L2HGDH: variants seen among roughly 807,000 people sequenced by gnomAD.
The protein encoded by L2HGDH is L-2-hydroxyglutarate dehydrogenase, mitochondrial.
Under a neutral mutation model 51.5 loss-of-function variants are expected in L2HGDH, and 34 were observed. The observed-to-expected ratio is 0.66, with a 90% CI of 0.50 to 0.88. The LOEUF is 0.88. L2HGDH is among the 40% of genes least tolerant of loss of function. The probability of loss-of-function intolerance (pLI) is 0.00; values close to 1 mark genes in which losing one functional copy is unlikely to be tolerated. For missense variants in L2HGDH, 558 were observed against 571.9 expected (o/e 0.98, Z 0.25); for synonymous variants, 198 against 197.9 (o/e 1.00, Z -0.01).
chr14:50,277,208 T>G (rs1428840745), intron 6 of L2HGDH, among the ~76,000 whole-genome samples: 2 of 58,470 alleles, frequency 3.4e-5, no homozygotes. Flanking sequence ...TTTTTTTTTG[T>G]TTTTTTTTTT....
intron 6 of L2HGDH, among the ~76,000 whole-genome samples, chr14:50,271,866 C>T (rs1422168132): frequency 6.6e-6 from 1 of 152,142 alleles, no homozygotes; most frequent in Admixed American, 6.6e-5. Flanking sequence ...CCTGGCCAGG[C>T]GCAGTGGCTC....
At chr14:50,277,052 T>C (rs1210143463) in intron 6 of L2HGDH, among the ~76,000 whole-genome samples, 1 of 152,248 alleles carries the variant, frequency 6.6e-6, no homozygotes. Flanking sequence ...TAAAATTGCC[T>C]CTAGTTGAGA....
intron 9 of L2HGDH, among the ~76,000 whole-genome samples, chr14:50,253,672 C>T (rs1044604035): frequency 1.3e-5 from 2 of 152,102 alleles, no homozygotes; most frequent in Admixed American, 6.6e-5. Flanking sequence ...CCAGCAATCC[C>T]ACTGCTGGAT....
At chr14:50,267,134 CTTCTTT>C in intron 8 of L2HGDH, among the ~76,000 whole-genome samples, 1 of 150,304 alleles carries the variant, frequency 6.7e-6, no homozygotes, top group Non-Finnish European at 1.5e-5. Context: ...TTGGCCTTAT[CTTCTTT>C]TTATTTTTAT....
intron 4 of L2HGDH, among the ~76,000 whole-genome samples, chr14:50,287,571 G>A (rs1275452445): frequency 1.3e-5 from 2 of 151,152 alleles, no homozygotes; most frequent in Admixed American, 6.6e-5. Context: ...TTTGAAGGAG[G>A]TTATCAATTC....
intron 4 of L2HGDH, among the ~76,000 whole-genome samples, chr14:50,284,371 C>T (rs1890447017): frequency 6.6e-6 from 1 of 152,334 alleles, no homozygotes; most frequent in South Asian, 2.1e-4. Context: ...CAGAGCATTG[C>T]TTTGACTTGC....
At chr14:50,294,607 T>C (rs1480334972) in intron 3 of L2HGDH, among the ~76,000 whole-genome samples, 2 of 152,184 alleles carry the variant, frequency 1.3e-5, no homozygotes, top group Non-Finnish European at 1.5e-5. Flanking sequence ...TTTACTTTTT[T>C]TCCCCCCCAA....
chr14:50,282,398 T>C lies in L2HGDH; in HGVS notation c.703+1473A>G, dbSNP rs1175141911. On this transcript the variant is annotated intron_variant, in intron 5 of 9. Transcript: ENST00000267436. ...CTGTTGTGCTTCATAGCCAGTCTTT[T>C]TCCTTCATTCTAACCACCAATTTCT... The C allele has an allele frequency of 8.8e-6, 4 of 454,626 alleles. No individual in the cohort carries two copies. In the Admixed American group the frequency reaches 9.4e-5, roughly 11 times the overall value. 28.2% of individuals were successfully genotyped at this position (454,626 alleles called of 1,614,324 possible).
chr14:50,295,483 T>G (rs1448368373), intron 3 of L2HGDH, among the ~76,000 whole-genome samples: 1 of 151,844 alleles, frequency 6.6e-6, no homozygotes, highest in Non-Finnish European at 1.5e-5. Context: ...CATGACTCCC[T>G]GCAGCCTCGA....
Position 50,245,168 on chromosome 14 carries a change from T to C in L2HGDH, c.*1890A>G, listed in dbSNP as rs1887941688. ...TATCAAAAATGGAAAAATATCCCTA[T>C]ACAAGTTTATAGGAGCCCTGAAAAA... On this transcript the variant is annotated 3_prime_UTR_variant, in exon 10 of 10. Transcript: ENST00000267436. 2.0e-6 allele frequency: 2 copies of C among 985,454 alleles called. No individual in the cohort carries two copies. Among genetic ancestry groups the C allele is most frequent in the African/African-American group, 1.7e-5 (1 of 57,238 alleles). The allele number at this position is 985,454 out of a possible 1,614,324, so 61.0% of individuals were successfully genotyped here.
At chr14:50,268,240 G>A (rs1375428067) in intron 7 of L2HGDH, among the ~76,000 whole-genome samples, 3 of 151,946 alleles carry the variant, frequency 2.0e-5, no homozygotes, top group Non-Finnish European at 2.9e-5. Context: ...TTAGCCTGGC[G>A]TGGTGGTGTG....
At chr14:50,276,529 C>A (rs967923391) in intron 6 of L2HGDH, among the ~76,000 whole-genome samples, 2 of 149,870 alleles carry the variant, frequency 1.3e-5, no homozygotes, top group Non-Finnish European at 3.0e-5. Context: ...GGAAACAGGG[C>A]CTTTAGGGAG....
At chr14:50,283,197 C>T (rs1223267515) in intron 5 of L2HGDH, among the ~76,000 whole-genome samples, 1 of 149,928 alleles carries the variant, frequency 6.7e-6, no homozygotes, top group Non-Finnish European at 1.5e-5. Context: ...CAAGACCCTG[C>T]CCCAAGGGGA....
chr14:50,267,826 G>C lies in L2HGDH; in HGVS notation c.991C>G (p.Leu331Val). ...GSIWLGPNAV[L>V]AFKREGYRPF... ...CTGTAACCCTCTCGTTTAAAGGCAAGAACTGCATTAGGCCCTAGCCAAATA... is the reference window on the plus strand; with the variant it reads ...CTGTAACCCTCTCGTTTAAAGGCAACAACTGCATTAGGCCCTAGCCAAATA... Residue 331 changes from leucine to valine, a missense_variant, in exon 8 of 10, where the codon CTT becomes GTT. Leu to Val is a conservative substitution (Grantham distance 32). Around this residue, in one of 3 missense-constraint regions of L2HGDH, gnomAD observed 321 missense variants for 311.8 expected, o/e 1.03. Coordinates refer to ENST00000267436, the MANE Select transcript of L2HGDH (RefSeq NM_024884.3). 6.2e-7 allele frequency: 1 copy of C among 1,613,890 alleles called. No homozygotes were observed. Among genetic ancestry groups the C allele is most frequent in the Non-Finnish European group, 8.5e-7 (1 of 1,179,760 alleles).
At chr14:50,258,264 G>A (rs1422516858) in intron 9 of L2HGDH, among the ~76,000 whole-genome samples, 3 of 151,888 alleles carry the variant, frequency 2.0e-5, no homozygotes, top group Non-Finnish European at 4.4e-5. Flanking sequence ...CACCCAGGCT[G>A]GAGTGCAGTG....
At chr14:50,290,368 C>T (rs1365159454) in intron 4 of L2HGDH, among the ~76,000 whole-genome samples, 1 of 152,198 alleles carries the variant, frequency 6.6e-6, no homozygotes, top group Non-Finnish European at 1.5e-5. Context: ...TTTGGTTCTC[C>T]TCTCCCCACG....
At chr14:50,301,265 T>C (rs1283091356) in intron 3 of L2HGDH, among the ~76,000 whole-genome samples, 2 of 152,198 alleles carry the variant, frequency 1.3e-5, no homozygotes, top group Non-Finnish European at 2.9e-5. Flanking sequence ...AATTTGGCAG[T>C]TCCTCAAAAT....
chr14:50,298,097 A>T (rs2030179009), intron 3 of L2HGDH, among the ~76,000 whole-genome samples: 1 of 151,966 alleles, frequency 6.6e-6, no homozygotes, highest in African/African-American at 2.4e-5. Context: ...TACAAAAATT[A>T]GCCAGGCATG....
In L2HGDH at chr14:50,295,572, A is replaced by ATT. The variant is rs545388262; in HGVS notation, c.409-1328_409-1327dup. Among the ~76,000 whole-genome samples, 64 of 105,802 alleles carry ATT rather than the reference A, an allele frequency of 6.0e-4. 1 individual carries two copies. Among genetic ancestry groups the ATT allele is most frequent in the African/African-American group, 1.6e-3 (38 of 23,926 alleles). The allele number at this position is 105,802 out of a possible 152,430, so 69.4% of individuals were successfully genotyped here. A position where few individuals can be genotyped will look rare whatever the true frequency, so the allele number is the denominator to read the frequency against. ...CAGGCATGTGCACCACACTCGGCTA[A>ATT]TTTTTTTTTTTTTTTTTTTTTTTTT... On this transcript the variant is annotated intron_variant, in intron 3 of 9. Transcript: ENST00000267436.
Sources: gnomAD v4.1 joint callset for allele counts (sites outside exome capture counted in the v4.1 genomes callset) on GRCh38, gnomAD v4.1.1 for gene constraint, gnomAD v4.1.1 regional missense constraint, MANE v1.5 for transcripts, NCBI Gene and HGNC (gene_info 2026-07-23, HGNC 2026-07-21) for gene names.